Variants in SUMF1 observed in about 807,000 individuals in gnomAD.
The protein encoded by SUMF1 is sulfatase modifying factor 1, also known as formylglycine-generating enzyme.
A neutral mutation model predicts 47.6 loss-of-function variants in SUMF1; 48 were observed. The ratio of observed to expected loss-of-function variants is 1.01; its 90% confidence interval spans 0.80 to 1.28. The LOEUF (loss-of-function observed/expected upper bound fraction) is 1.28. Ranked by LOEUF, SUMF1 falls within the 50% of genes most tolerant of loss-of-function variation. The probability of loss-of-function intolerance (pLI) is 0.00; values close to 1 mark genes in which losing one functional copy is unlikely to be tolerated. For missense variants in SUMF1, 571 were observed against 485.4 expected (o/e 1.18, Z -1.66); for synonymous variants, 230 against 192.1 (o/e 1.20, Z -1.63).
At chr3:4,089,049 C>T (rs1477923975) in intron 8 of SUMF1, among the ~76,000 whole-genome samples, 3 of 152,008 alleles carry the variant, frequency 2.0e-5, no homozygotes, top group Non-Finnish European at 2.9e-5. Flanking sequence ...ATGACATATA[C>T]CCCTGTCACA....
At chr3:4,099,931 A>C (rs916538034) in intron 8 of SUMF1, among the ~76,000 whole-genome samples, 1 of 151,962 alleles carries the variant, frequency 6.6e-6, no homozygotes, top group African/African-American at 2.4e-5. Context: ...ACTACAAAAC[A>C]CAGATGAAAG....
At chr3:4,379,366 AG>A (rs1462786493) in intron 7 of SUMF1, among the ~76,000 whole-genome samples, 1 of 152,214 alleles carries the variant, frequency 6.6e-6, no homozygotes, top group Non-Finnish European at 1.5e-5. Context: ...GGATGCACAG[AG>A]GAACACAGAG....
intron 8 of SUMF1, among the ~76,000 whole-genome samples, chr3:4,128,702 G>A (rs1050394398): frequency 4.6e-5 from 7 of 152,068 alleles, no homozygotes; most frequent in Admixed American, 4.6e-4. Context: ...ATATAAATTA[G>A]AGTTTATATA....
intron 8 of SUMF1, chr3:4,316,083 AT>A (rs1698630766): frequency 3.9e-6 from 2 of 508,040 alleles, no homozygotes; most frequent in Admixed American, 3.3e-5. Flanking sequence ...CAGTTTTTGC[AT>A]TGTTGGAATT....
At chr3:4,360,708 T>A (rs1218220538), downstream of SUMF1, among the ~76,000 whole-genome samples, 2 of 152,194 alleles carry the variant, frequency 1.3e-5, no homozygotes, top group African/African-American at 4.8e-5. Context: ...AAGTGTTGGT[T>A]AGACACTTTT....
At chr3:4,180,647 C>G (rs747996181) in intron 8 of SUMF1, among the ~76,000 whole-genome samples, 82 of 110,564 alleles carry the variant, frequency 7.4e-4, no homozygotes, top group Non-Finnish European at 1.1e-3. Context: ...ACCTATGTAT[C>G]AAACCTGCAC....
At chr3:4,385,461 T>G (rs1373103389) in intron 7 of SUMF1, among the ~76,000 whole-genome samples, 1 of 152,206 alleles carries the variant, frequency 6.6e-6, no homozygotes, top group Non-Finnish European at 1.5e-5. Flanking sequence ...CTGCACGTGT[T>G]CTAATTGGAT....
intron 8 of SUMF1, among the ~76,000 whole-genome samples, chr3:4,201,695 T>A (rs1422091499): frequency 6.6e-6 from 1 of 152,068 alleles, no homozygotes; most frequent in Non-Finnish European, 1.5e-5. Context: ...TAGTTCTATT[T>A]TTAGTTTTTT....
chr3:4,059,517 C>T (rs1372789020), intron 9 of SUMF1, among the ~76,000 whole-genome samples: 1 of 152,150 alleles, frequency 6.6e-6, no homozygotes, highest in Admixed American at 6.6e-5. Context: ...ACACAAATCT[C>T]TTAAACCTCT....
intron 8 of SUMF1, among the ~76,000 whole-genome samples, chr3:4,324,498 A>C (rs561172792): frequency 1.5e-4 from 23 of 152,284 alleles, no homozygotes; most frequent in African/African-American, 5.3e-4. Context: ...AGAGGGGACA[A>C]AAAGAGGTGG....
At chr3:4,285,597 G>C (rs1559651655) in intron 8 of SUMF1, among the ~76,000 whole-genome samples, 2 of 152,056 alleles carry the variant, frequency 1.3e-5, no homozygotes, top group South Asian at 4.1e-4. Context: ...CTAGTACTTA[G>C]TACTTTCTTC....
intron 3 of SUMF1, among the ~76,000 whole-genome samples, chr3:4,429,849 C>T (rs749381988): frequency 6.6e-6 from 1 of 152,168 alleles, no homozygotes; most frequent in Non-Finnish European, 1.5e-5. Flanking sequence ...CAGCCTGGCA[C>T]ATCTCATCTC....
chr3:4,397,559 C>G (rs1244829247), intron 7 of SUMF1, among the ~76,000 whole-genome samples: 1 of 152,180 alleles, frequency 6.6e-6, no homozygotes, highest in East Asian at 1.9e-4. Context: ...GGCATTTTCA[C>G]TTAACCATTA....
At chr3:4,274,576 C>CA (rs1277947961) in intron 8 of SUMF1, among the ~76,000 whole-genome samples, 5 of 152,102 alleles carry the variant, frequency 3.3e-5, no homozygotes, top group Admixed American at 1.3e-4. Context: ...ACAAAAATAT[C>CA]AGACTACTTT....
chr3:4,327,291 C>G (rs1698965443), intron 8 of SUMF1, among the ~76,000 whole-genome samples: 1 of 152,150 alleles, frequency 6.6e-6, no homozygotes, highest in African/African-American at 2.4e-5. Flanking sequence ...AGTGAGAATC[C>G]TGGAAATTTT....
intron 8 of SUMF1, among the ~76,000 whole-genome samples, chr3:4,269,909 A>C (rs1462973736): frequency 6.6e-6 from 1 of 152,210 alleles, no homozygotes; most frequent in African/African-American, 2.4e-5. Flanking sequence ...GTGTAAGGAC[A>C]GTCTACAAGA....
chr3:4,198,724 G>C (rs1695482230), intron 8 of SUMF1, among the ~76,000 whole-genome samples: 1 of 152,056 alleles, frequency 6.6e-6, no homozygotes, highest in Non-Finnish European at 1.5e-5. Flanking sequence ...TACCTCAGAA[G>C]CCTCACTCAA....
chr3:4,341,976 C>G (rs538409314), intron 8 of SUMF1, among the ~76,000 whole-genome samples: 1 of 152,086 alleles, frequency 6.6e-6, no homozygotes, highest in Non-Finnish European at 1.5e-5. Flanking sequence ...TACTTTAGCA[C>G]GAATCCAATT....
chr3:4,379,015 A>T (rs758290148), intron 7 of SUMF1, among the ~76,000 whole-genome samples: 3 of 152,244 alleles, frequency 2.0e-5, no homozygotes, highest in Non-Finnish European at 4.4e-5. Context: ...AATGACAGTC[A>T]TCCCAGGCTG....
Sources: gnomAD v4.1 joint callset for allele counts (sites outside exome capture counted in the v4.1 genomes callset) on GRCh38, gnomAD v4.1.1 for gene constraint, MANE v1.5 for transcripts, NCBI Gene and HGNC (gene_info 2026-07-23, HGNC 2026-07-21) for gene names.